Variants in TRMT5 observed in about 807,000 individuals in gnomAD.
TRMT5 encodes the protein tRNA methyltransferase 5.
TRMT5 carries 31 observed loss-of-function variants against 42.2 expected under a neutral mutation model. That is an observed-to-expected ratio of 0.73 (90% confidence interval 0.55 to 0.99). The LOEUF (loss-of-function observed/expected upper bound fraction) is 0.99. Ranked by LOEUF, TRMT5 falls within the 50% of genes least tolerant of loss-of-function variation. The pLI is 0.00. For missense variants in TRMT5, 568 were observed against 595.0 expected (o/e 0.95, Z 0.47); for synonymous variants, 198 against 209.6 (o/e 0.94, Z 0.48).
intron 3 of TRMT5, 57 bp from the exon 4 acceptor site, chr14:60,976,183 T>G: frequency 3.2e-6 from 5 of 1,541,006 alleles, no homozygotes; most frequent in Non-Finnish European, 4.4e-6. Context: ...TCCTAACCAT[T>G]GATATTGGAT....
chr14:60,981,666 C>T (rs866856862), upstream of TRMT5: 1 of 1,414,916 alleles, frequency 7.1e-7, no homozygotes, highest in Non-Finnish European at 9.3e-7. Flanking sequence ...ATGAGCGGCC[C>T]TAGGATTATG....
At chr14:60,979,173 A>C in intron 2 of TRMT5, 58 bp downstream of exon 2, 1 of 1,457,964 alleles carries the variant, frequency 6.9e-7, no homozygotes, top group Non-Finnish European at 9.2e-7. Context: ...TTTTAAAGCT[A>C]AAATTAACAA....
Position 60,979,567 on chromosome 14 carries a change from G to A in TRMT5, c.331C>T (p.Arg111Ter), listed in dbSNP as rs867767714. The change falls in exon 2 of 5, where the codon CGA (arginine) becomes TGA (stop). Residue 111 changes from arginine (R) to a stop codon, truncating the protein, a stop_gained. Coordinates refer to ENST00000261249, the MANE Select transcript of TRMT5 (RefSeq NM_020810.3). LOFTEE classifies it high-confidence loss of function. ...TGCAATGCTGCCCTTTTTAGGGATC[G>A]CATCAATTTACTGACTATTTCTTTC... ...VRKEIVSKLM[R>*]SLKRAALQRP... The A allele has an allele frequency of 2.5e-6, 4 of 1,613,938 alleles. No individual in the cohort carries two copies. The highest frequency in any genetic ancestry group is 1.3e-5 in the African/African-American group (1 of 74,896).
In TRMT5 at chr14:60,973,119, G is replaced by A. The variant is rs996044534; in HGVS notation, c.*1990C>T. 1.3e-5 allele frequency: 2 copies of A among 152,228 alleles called. No individual in the cohort carries two copies. Among genetic ancestry groups the A allele is most frequent in the Admixed American group, 1.3e-4 (2 of 15,290 alleles). 9.4% of individuals were successfully genotyped at this position (152,228 alleles called of 1,614,324 possible). On this transcript the variant is annotated 3_prime_UTR_variant, in exon 5 of 5. Coordinates refer to ENST00000261249, the MANE Select transcript of TRMT5 (RefSeq NM_020810.3). The stretch of plus-strand genomic sequence containing the variant: ...CTTTCTCTTTGATAGTATGACAAAT[G>A]TGTAAGGATATTGTCATCAAATATT...
rs920806592 is a variant in TRMT5 at position 60,973,373 on chromosome 14, G to A, written c.*1736C>T. ...ACTCATGGTAGAAGGCAAAATAGGA[G>A]AAGGCACTTCACATGGCGAAGGCAG... On this transcript the variant is annotated 3_prime_UTR_variant, in exon 5 of 5. Coordinates refer to ENST00000261249, the MANE Select transcript of TRMT5 (RefSeq NM_020810.3). 43 of 152,428 alleles carry A rather than the reference G, an allele frequency of 2.8e-4. No homozygotes were observed. The highest frequency in any genetic ancestry group is 9.4e-4 in the African/African-American group (39 of 41,580). The allele number at this position is 152,428 out of a possible 1,614,324, so 9.4% of individuals were successfully genotyped here. A position where few individuals can be genotyped will look rare whatever the true frequency, so the allele number is the denominator to read the frequency against.
chr14:60,977,703 A>ATT, intron 2 of TRMT5, 65 bp from the exon 3 acceptor site: 1 of 1,448,870 alleles, frequency 6.9e-7, no homozygotes. Context: ...TAACATTGTT[A>ATT]ATATGAAACA....
In TRMT5 at chr14:60,972,463, G is replaced by A; in HGVS notation, c.*2646C>T. The A allele has an allele frequency of 2.0e-6, 1 of 506,000 alleles. No homozygotes were observed. 31.3% of individuals were successfully genotyped at this position (506,000 alleles called of 1,614,324 possible). On this transcript the variant is annotated 3_prime_UTR_variant, in exon 5 of 5. Transcript: ENST00000261249. ...GCATCCCCTTCAGTCTTTCTCTTGG[G>A]CATGGCGGCGGCGGCGGCGGCGGGA...
chr14:60,975,248 C>G (rs1052807891), intron 4 of TRMT5, 54 bp from the exon 5 acceptor site: 3 of 1,478,394 alleles, frequency 2.0e-6, no homozygotes, highest in East Asian at 2.3e-5. Context: ...GTTGAAAATA[C>G]TCTTAAAAAA....
At position 60,972,385 on chromosome 14, in the gene TRMT5, A is replaced by G. The variant is rs1327231482; in HGVS notation, c.*2724T>C. 3.7e-6 allele frequency: 2 copies of G among 540,716 alleles called. No individual in the cohort carries two copies. Among genetic ancestry groups the G allele is most frequent in the Non-Finnish European group, 7.5e-6 (2 of 267,884 alleles). 33.5% of individuals were successfully genotyped at this position (540,716 alleles called of 1,614,324 possible). ...TTTGGAGGAGCAGGTTTAGCAGACAACCTCGCAGATCTTCTCTGTGATTCA... is the reference window on the plus strand; with the variant it reads ...TTTGGAGGAGCAGGTTTAGCAGACAGCCTCGCAGATCTTCTCTGTGATTCA... On this transcript the variant is annotated 3_prime_UTR_variant, in exon 5 of 5. Transcript: ENST00000261249.
At chr14:60,980,663 A>T (rs1254753822) in intron 1 of TRMT5, among the ~76,000 whole-genome samples, 1 of 152,228 alleles carries the variant, frequency 6.6e-6, no homozygotes, top group African/African-American at 2.4e-5. Flanking sequence ...GCCCTGTCCC[A>T]GAATCCTGTA....
At position 60,975,208 on chromosome 14, in the gene TRMT5, A is replaced by G; in HGVS notation, c.1445-14T>C. 6.3e-7 allele frequency: 1 copy of G among 1,590,304 alleles called. No homozygotes were observed. Among genetic ancestry groups the G allele is most frequent in the Non-Finnish European group, 8.5e-7 (1 of 1,170,858 alleles). Reference sequence around the variant, plus strand: ...CTTCATGATTCTCTGTAATAAATCCAGAAAACCTATTTTAGGTAAGATATT... The same window carrying G: ...CTTCATGATTCTCTGTAATAAATCCGGAAAACCTATTTTAGGTAAGATATT... On this transcript the variant is annotated splice_polypyrimidine_tract_variant and intron_variant, in intron 4 of 4. Transcript: ENST00000261249.
chr14:60,981,649 T>C (rs983791220), upstream of TRMT5: 2 of 1,437,504 alleles, frequency 1.4e-6, no homozygotes, highest in Non-Finnish European at 1.8e-6. Context: ...GCTGCGAACA[T>C]GATGGGATGA....
rs752375042 is a variant in TRMT5, at chr14:60,972,517, C to T, written c.*2592G>A. Reference sequence around the variant, plus strand: ...GGGCACCGGGTGTGGGACGCAGCAGCGCGCGGGCTTTGGTCGGTCCAGGGG... The same window carrying T: ...GGGCACCGGGTGTGGGACGCAGCAGTGCGCGGGCTTTGGTCGGTCCAGGGG... On this transcript the variant is annotated 3_prime_UTR_variant, in exon 5 of 5. Transcript: ENST00000261249. The T allele has an allele frequency of 1.3e-4, 60 of 452,524 alleles. No homozygotes were observed. The highest frequency in any genetic ancestry group is 2.5e-4 in the Non-Finnish European group (56 of 228,454). The allele number at this position is 452,524 out of a possible 1,614,324, so 28.0% of individuals were successfully genotyped here.
chr14:60,975,746 T>A lies in TRMT5; in HGVS notation c.1173A>T (p.Lys391Asn). The change falls in exon 4 of 5, where the codon AAA (lysine) becomes AAT (asparagine). Residue 391 changes from lysine (K) to asparagine (N), a missense_variant. Transcript: ENST00000261249. ...TGAAAGCACTAAGAAACTCTATAGC[T>A]TTTGCTGGCAAGTTCATGACAACGT... ...SVHVVMNLPA[K>N]AIEFLSAFKW... 6.2e-7 allele frequency: 1 copy of A among 1,614,210 alleles called. No homozygotes were observed. The highest frequency in any genetic ancestry group is 8.5e-7 in the Non-Finnish European group (1 of 1,180,034).
intron 2 of TRMT5, 71 bp from the exon 3 acceptor site, chr14:60,977,709 A>G: frequency 2.1e-6 from 3 of 1,423,048 alleles, no homozygotes; most frequent in Non-Finnish European, 2.8e-6. Context: ...TGTTAATATG[A>G]AACAGAAATG....
rs1055666235 is a variant in TRMT5 at position 60,973,159 on chromosome 14, G to C, written c.*1950C>G. On this transcript the variant is annotated 3_prime_UTR_variant, in exon 5 of 5. Transcript: ENST00000261249. ...CATCAAATATTGTGATTCAAATATC[G>C]ATTGTCAAAATGACTGTACCATATC... 2.6e-5 allele frequency: 4 copies of C among 152,128 alleles called. No individual in the cohort carries two copies. Among genetic ancestry groups the C allele is most frequent in the African/African-American group, 9.7e-5 (4 of 41,426 alleles). The allele number at this position is 152,128 out of a possible 1,614,324, so 9.4% of individuals were successfully genotyped here.
intron 2 of TRMT5, 66 bp from the exon 3 acceptor site, chr14:60,977,704 A>T: frequency 6.9e-7 from 1 of 1,448,528 alleles, no homozygotes. Flanking sequence ...AACATTGTTA[A>T]TATGAAACAG....
chr14:60,975,394 G>T, intron 4 of TRMT5, 81 bp downstream of exon 4: 1 of 1,519,428 alleles, frequency 6.6e-7, no homozygotes, highest in Non-Finnish European at 8.9e-7. Flanking sequence ...AACTAATACT[G>T]CATTAAAATT....
rs771747379 is a variant in TRMT5 at position 60,979,224 on chromosome 14, C to A, written c.667+7G>T. 6.3e-7 allele frequency: 1 copy of A among 1,591,204 alleles called. No individual in the cohort carries two copies. Among genetic ancestry groups the A allele is most frequent in the South Asian group, 1.2e-5 (1 of 86,462 alleles). ...CAAATACATGAATATTACTATGACA[C>A]ACGTACCAATTAAATGTTTGAAAGG... On this transcript the variant is annotated splice_region_variant and intron_variant, in intron 2 of 4. Transcript: ENST00000261249.
Sources: allele counts gnomAD v4.1 joint callset (sites outside exome capture counted in the v4.1 genomes callset), GRCh38; gene constraint gnomAD v4.1.1; transcripts MANE v1.5; gene names NCBI Gene and HGNC (gene_info 2026-07-23, HGNC 2026-07-21).